The following ARHGAP44 variants were observed in gnomAD, a reference collection of about 807,000 sequenced individuals.
ARHGAP44 encodes Rho GTPase activating protein 44.
ARHGAP44 carries 43 observed loss-of-function variants against 106.8 expected under a neutral mutation model. That is an observed-to-expected ratio of 0.40 (90% CI 0.32 to 0.52). ARHGAP44 has a LOEUF of 0.52. ARHGAP44 is among the 20% of genes least tolerant of loss of function. The pLI is 0.48. For synonymous variants in ARHGAP44, 439 were observed against 410.3 expected (o/e 1.07, Z -0.85); for missense variants, 866 against 1,050.5 (o/e 0.82, Z 2.43).
Position 12,915,937 on chromosome 17 carries a change from C to A in ARHGAP44, c.313C>A (p.Leu105Met). ...LKLCGETEDK[L>M]AQELIHFELQ... ...ACTCTGTGGAGAGACGGAGGACAAG[C>A]TGGCTCAGGAGCTGATACATTTTGA... Residue 105 changes from leucine (L) to methionine (M), a missense_variant, in exon 5 of 21, where the codon CTG becomes ATG. Physicochemically the swap from Leu to Met is conservative, Grantham distance 15. Around this residue, in one of 2 missense-constraint regions of ARHGAP44, gnomAD observed 448 missense variants for 646.9 expected, o/e 0.69. Coordinates refer to ENST00000379672, the MANE Select transcript of ARHGAP44 (RefSeq NM_014859.6). 1 of 1,613,930 alleles carries A rather than the reference C, an allele frequency of 6.2e-7. No homozygotes were observed.
chr17:12,814,235 G>GTTTTTTTTT (rs773171329), intron 1 of ARHGAP44, among the ~76,000 whole-genome samples: 3 of 87,272 alleles, frequency 3.4e-5, no homozygotes, highest in African/African-American at 9.8e-5. Context: ...CCAAACTGGT[G>GTTTTTTTTT]TTTTTTTTTT....
intron 1 of ARHGAP44, among the ~76,000 whole-genome samples, chr17:12,889,347 C>A (rs1418639815): frequency 6.6e-6 from 1 of 152,084 alleles, no homozygotes; most frequent in Non-Finnish European, 1.5e-5. Context: ...GCTGGGAAGT[C>A]CAACAAGGGG....
chr17:12,934,252 C>A (rs1567695702), intron 7 of ARHGAP44, among the ~76,000 whole-genome samples: 2 of 152,126 alleles, frequency 1.3e-5, no homozygotes, highest in Non-Finnish European at 2.9e-5. Flanking sequence ...TTTTATTCTT[C>A]TTCAATGTAT....
chr17:12,907,457 A>G (rs911429484), intron 3 of ARHGAP44, among the ~76,000 whole-genome samples: 2 of 152,214 alleles, frequency 1.3e-5, no homozygotes, highest in Non-Finnish European at 2.9e-5. Context: ...CCCCATACCC[A>G]TTAAGCAGTC....
At chr17:12,793,790 T>A (rs1011450785) in intron 1 of ARHGAP44, among the ~76,000 whole-genome samples, 1 of 152,322 alleles carries the variant, frequency 6.6e-6, no homozygotes, top group East Asian at 1.9e-4. Context: ...TTTTATCTTT[T>A]GTCATTTACT....
At chr17:12,884,893 T>TTTTGTTTGTTTG (rs200942628) in intron 1 of ARHGAP44, among the ~76,000 whole-genome samples, 2 of 152,040 alleles carry the variant, frequency 1.3e-5, no homozygotes, top group African/African-American at 4.8e-5. Flanking sequence ...GCTAAGCATT[T>TTTTGTTTGTTTG]TTTGTTTGTT....
chr17:12,802,969 A>ATATAT (rs1567621473), intron 1 of ARHGAP44, among the ~76,000 whole-genome samples: 5 of 40,848 alleles, frequency 1.2e-4, no homozygotes, highest in African/African-American at 1.6e-4. Flanking sequence ...ATATATATAT[A>ATATAT]TTTTTTTTTT....
At chr17:12,963,046 C>CAAAAAAAAA (rs71369355) in intron 16 of ARHGAP44, among the ~76,000 whole-genome samples, 7 of 70,948 alleles carry the variant, frequency 9.9e-5, no homozygotes, top group Admixed American at 1.5e-4. Context: ...AACACCATCT[C>CAAAAAAAAA]AAAAAAAAAA....
chr17:12,856,590 C>A (rs1366372517), intron 1 of ARHGAP44, among the ~76,000 whole-genome samples: 1 of 152,152 alleles, frequency 6.6e-6, no homozygotes, highest in Non-Finnish European at 1.5e-5. Context: ...GGATTGCCTG[C>A]ATTTCTAAAC....
intron 1 of ARHGAP44, among the ~76,000 whole-genome samples, chr17:12,824,152 T>G (rs954713101): frequency 2.6e-5 from 4 of 152,132 alleles, no homozygotes; most frequent in African/African-American, 4.8e-5. Context: ...TGTGCAATTT[T>G]CTTCATGCCC....
intron 16 of ARHGAP44, among the ~76,000 whole-genome samples, chr17:12,959,307 C>T (rs952332186): frequency 7.9e-5 from 12 of 152,174 alleles, no homozygotes; most frequent in African/African-American, 2.9e-4. Flanking sequence ...CTGGCACAAA[C>T]AATACCTTTA....
At chr17:12,889,719 A>G (rs2036986284) in intron 1 of ARHGAP44, among the ~76,000 whole-genome samples, 1 of 152,186 alleles carries the variant, frequency 6.6e-6, no homozygotes, top group Non-Finnish European at 1.5e-5. Context: ...AATCTCATCT[A>G]GATCAGATAT....
intron 1 of ARHGAP44, among the ~76,000 whole-genome samples, chr17:12,806,265 G>C (rs941094242): frequency 6.6e-6 from 1 of 152,178 alleles, no homozygotes; most frequent in Non-Finnish European, 1.5e-5. Context: ...TCCTAGAACT[G>C]AGACCTGAAG....
chr17:12,946,697 A>C (rs1207903894), intron 10 of ARHGAP44, among the ~76,000 whole-genome samples: 1 of 151,548 alleles, frequency 6.6e-6, no homozygotes, highest in Non-Finnish European at 1.5e-5. Context: ...GCTACTCAGG[A>C]GGCTGAGGCA....
chr17:12,883,207 A>G (rs1283236225), intron 1 of ARHGAP44, among the ~76,000 whole-genome samples: 3 of 151,034 alleles, frequency 2.0e-5, no homozygotes, highest in Middle Eastern at 3.2e-3. Context: ...CACAAATGTT[A>G]TATATCTTTT....
intron 1 of ARHGAP44, among the ~76,000 whole-genome samples, chr17:12,798,501 T>C (rs936743444): frequency 6.6e-6 from 1 of 152,200 alleles, no homozygotes; most frequent in Non-Finnish European, 1.5e-5. Context: ...CCAGGCATCA[T>C]TGATACATCA....
intron 1 of ARHGAP44, among the ~76,000 whole-genome samples, chr17:12,830,810 A>G (rs1053079278): frequency 6.6e-6 from 1 of 152,304 alleles, no homozygotes; most frequent in African/African-American, 2.4e-5. Flanking sequence ...TAATTTACAC[A>G]CAATGATTAA....
At chr17:12,980,685 C>T (rs1353745638) in intron 19 of ARHGAP44, among the ~76,000 whole-genome samples, 1 of 152,208 alleles carries the variant, frequency 6.6e-6, no homozygotes, top group Admixed American at 6.5e-5. Context: ...ACCTGAGTCT[C>T]AGCTCTGAAT....
intron 16 of ARHGAP44, among the ~76,000 whole-genome samples, chr17:12,966,503 G>A (rs2039395126): frequency 2.6e-5 from 4 of 152,154 alleles, no homozygotes; most frequent in Non-Finnish European, 4.4e-5. Context: ...GGAAAATACC[G>A]AATTCAGGCC....
Sources: allele counts gnomAD v4.1 joint callset (sites outside exome capture counted in the v4.1 genomes callset), GRCh38; gene constraint gnomAD v4.1.1; regional missense constraint gnomAD v4.1.1; transcripts MANE v1.5; gene names NCBI Gene and HGNC (gene_info 2026-07-23, HGNC 2026-07-21).